Variants in SLC22A8 observed in about 807,000 individuals in gnomAD.
SLC22A8 encodes the protein organic anion transporter 3.
Under a neutral mutation model 48.4 loss-of-function variants are expected in SLC22A8, and 40 were observed. The observed-to-expected ratio is 0.83, with a 90% CI of 0.64 to 1.08. The LOEUF is 1.08. Ranked by LOEUF, SLC22A8 falls within the 50% of genes least tolerant of loss-of-function variation. The probability of loss-of-function intolerance (pLI) is 0.00; values close to 1 mark genes in which losing one functional copy is unlikely to be tolerated. For missense variants in SLC22A8, 606 were observed against 699.0 expected, an observed-to-expected ratio of 0.87 and a Z score of 1.50; for synonymous variants, 268 against 286.3, an observed-to-expected ratio of 0.94 and a Z score of 0.65.
chr11:62,996,146 T>A lies in SLC22A8; in HGVS notation c.768A>T (p.Thr256=). 6.3e-7 allele frequency: 1 copy of A among 1,599,660 alleles called. No homozygotes were observed. Among genetic ancestry groups the A allele is most frequent in the African/African-American group, 1.3e-5 (1 of 74,820 alleles). The change falls in exon 6 of 11, where the codon ACA becomes ACT. Residue 256 remains threonine, a synonymous_variant. Transcript: ENST00000336232. ...AGACCAACCAGCGTATGGACTCTGG[T>A]GTCCACCTGGGGGCCAGAGACCAGT... ...FFVFFLSSWW[T]PESIRWLVLS... is the part of the protein sequence containing the mutation.
intron 5 of SLC22A8, among the ~76,000 whole-genome samples, chr11:62,998,543 T>C (rs1052911841): frequency 2.0e-5 from 3 of 152,214 alleles, no homozygotes; most frequent in Admixed American, 6.5e-5. Flanking sequence ...GGGTCTGTCC[T>C]TCTGGGCTAT....
intron 5 of SLC22A8, among the ~76,000 whole-genome samples, chr11:62,997,158 G>C (rs532262763): frequency 6.6e-5 from 10 of 152,196 alleles, no homozygotes; most frequent in African/African-American, 2.4e-4. Flanking sequence ...GCCTTCCTGT[G>C]TACCAGGCCC....
chr11:62,995,729 T>G lies in SLC22A8; in HGVS notation c.976A>C (p.Met326Leu). 1 of 1,614,000 alleles carries G rather than the reference T, an allele frequency of 6.2e-7. No individual in the cohort carries two copies. Among genetic ancestry groups the G allele is most frequent in the African/African-American group, 1.3e-5 (1 of 75,028 alleles). The change falls in exon 7 of 11, where the codon ATG becomes CTG. Residue 326 changes from methionine to leucine, a missense_variant. Met to Leu is a conservative substitution (Grantham distance 15). Coordinates refer to ENST00000336232, the MANE Select transcript of SLC22A8 (RefSeq NM_004254.4). ...CAGGCCAGGGAAAGACAGAAGGTCATGCGGCGCAGCATGGGTATCCGGAAC... is the reference window on the plus strand; with the variant it reads ...CAGGCCAGGGAAAGACAGAAGGTCAGGCGGCGCAGCATGGGTATCCGGAAC... ...DLFRIPMLRRMTFCLSLAWFA... is the reference protein window; with the variant it reads ...DLFRIPMLRRLTFCLSLAWFA...
Position 62,999,678 on chromosome 11 carries a change from T to C in SLC22A8, c.592+10A>G. 6.5e-7 allele frequency: 1 copy of C among 1,542,420 alleles called. No individual in the cohort carries two copies. Among genetic ancestry groups the C allele is most frequent in the African/African-American group, 1.4e-5 (1 of 72,464 alleles). Reference sequence around the variant, plus strand: ...CCCAAAGCCCAGCTCCATGCCCCACTGCAGCTCACTCAAGATGACGGTGCT... The same window carrying C: ...CCCAAAGCCCAGCTCCATGCCCCACCGCAGCTCACTCAAGATGACGGTGCT... On this transcript the variant is annotated intron_variant, in intron 4 of 10. Transcript: ENST00000336232.
chr11:62,995,408 A>C, intron 7 of SLC22A8: 1 of 455,190 alleles, frequency 2.2e-6, no homozygotes, highest in Non-Finnish European at 4.0e-6. Flanking sequence ...GAGGGAGAGC[A>C]TGGGGACACT....
At chr11:63,001,820 A>G (rs1282022154) in intron 2 of SLC22A8, among the ~76,000 whole-genome samples, 1 of 152,224 alleles carries the variant, frequency 6.6e-6, no homozygotes, top group Admixed American at 6.5e-5. Flanking sequence ...CTGCCTGGAT[A>G]GAGTCACAGG....
rs1238861647 is a variant in SLC22A8, at chr11:62,993,134, G to A, written c.*103C>T. The A allele has an allele frequency of 1.3e-6, 1 of 799,826 alleles. No homozygotes were observed. The highest frequency in any genetic ancestry group is 1.7e-5 in the African/African-American group (1 of 57,624). 49.5% of individuals were successfully genotyped at this position (799,826 alleles called of 1,614,324 possible). On this transcript the variant is annotated 3_prime_UTR_variant, in exon 11 of 11. Transcript: ENST00000336232. ...GACACCTTCACCAAGCTCTCAGAAG[G>A]CTTCATCCTAGGAGGATGGACCTAT...
intron 2 of SLC22A8, among the ~76,000 whole-genome samples, chr11:63,008,518 C>T (rs559181789): frequency 1.3e-5 from 2 of 152,242 alleles, no homozygotes; most frequent in South Asian, 4.1e-4. Context: ...TGTTCTGGGG[C>T]CAATTACTTA....
In SLC22A8 at chr11:63,010,328, G is replaced by A. The variant is rs140764749; in HGVS notation, c.333+4298C>T. 8.2e-3 allele frequency among the ~76,000 whole-genome samples: 1,256 copies of A among 152,254 alleles called. 9 individuals carry two copies. The highest frequency in any genetic ancestry group is 0.037 in the Middle Eastern group (11 of 294). ...AGATGGCCCCTTGCTTCTACTAACA[G>A]GTGTCACCTGGACTGATCTCGCTCT... On this transcript the variant is annotated intron_variant, in intron 2 of 10. Coordinates refer to ENST00000336232, the MANE Select transcript of SLC22A8 (RefSeq NM_004254.4).
At chr11:63,015,612 C>T (rs1471296777) in intron 1 of SLC22A8, 117 bp downstream of exon 1, 1 of 152,312 alleles carries the variant, frequency 6.6e-6, no homozygotes, top group African/African-American at 2.4e-5. Context: ...CTGTAAGAGC[C>T]CGAAGCAGGT....
At chr11:62,993,982 G>A in intron 8 of SLC22A8, 104 bp from the exon 9 acceptor site, 1 of 737,874 alleles carries the variant, frequency 1.4e-6, no homozygotes, top group Non-Finnish European at 2.5e-6. Context: ...CTTCCAAGAA[G>A]CTCAGATCCA....
intron 3 of SLC22A8, 54 bp from the exon 4 acceptor site, chr11:62,999,896 G>GTGAGACTCCGTCTTAA: frequency 7.2e-7 from 1 of 1,398,588 alleles, no homozygotes; most frequent in Non-Finnish European, 9.4e-7. Context: ...CCTGCCAAGA[G>GTGAGACTCCGTCTTAA]GAGTGACTCT....
At chr11:63,000,604 G>T in intron 3 of SLC22A8, 116 bp downstream of exon 3, 1 of 689,220 alleles carries the variant, frequency 1.5e-6, no homozygotes. Flanking sequence ...CACACAGCAA[G>T]AGCCATCCCA....
At chr11:63,002,897 C>A (rs1590695355) in intron 2 of SLC22A8, among the ~76,000 whole-genome samples, 1 of 152,122 alleles carries the variant, frequency 6.6e-6, no homozygotes, top group East Asian at 1.9e-4. Flanking sequence ...TAATATCATG[C>A]TATTTTACAG....
intron 2 of SLC22A8, among the ~76,000 whole-genome samples, chr11:63,012,449 G>A (rs998129558): frequency 1.3e-5 from 2 of 151,948 alleles, no homozygotes; most frequent in African/African-American, 4.8e-5. Context: ...GTGTCTTTGC[G>A]TTTGACCCTT....
intron 5 of SLC22A8, among the ~76,000 whole-genome samples, chr11:62,997,532 A>G (rs887008395): frequency 2.0e-5 from 3 of 152,070 alleles, no homozygotes; most frequent in Non-Finnish European, 4.4e-5. Flanking sequence ...ACCTAGAAAA[A>G]TCTTGATGCT....
intron 2 of SLC22A8, among the ~76,000 whole-genome samples, chr11:63,009,213 G>A (rs1431000683): frequency 3.3e-5 from 5 of 152,032 alleles, no homozygotes; most frequent in African/African-American, 1.2e-4. Context: ...TGGGCAACTG[G>A]GGACTGGGGA....
At chr11:63,012,014 G>T (rs1424596263) in intron 2 of SLC22A8, among the ~76,000 whole-genome samples, 2 of 150,746 alleles carry the variant, frequency 1.3e-5, no homozygotes, top group South Asian at 2.1e-4. Context: ...TTGAGATGGG[G>T]TTGTCTTGCT....
In SLC22A8 at chr11:62,996,091, T is replaced by C; in HGVS notation, c.823A>G (p.Ile275Val). Residue 275 changes from isoleucine to valine, a missense_variant, in exon 6 of 11, where the codon ATA (isoleucine) becomes GTA (valine). Physicochemically the swap from Ile to Val is conservative, Grantham distance 29. Coordinates refer to ENST00000336232, the MANE Select transcript of SLC22A8 (RefSeq NM_004254.4). ...LSGKSSKALK[I>V]LRRVAVFNGK... ...TTGAAGACAGCCACCCGCCGGAGTA[T>C]CTTCAGGGCCTTCGAGGACTTTCCA... 6.2e-7 allele frequency: 1 copy of C among 1,613,990 alleles called. No individual in the cohort carries two copies. Among genetic ancestry groups the C allele is most frequent in the Non-Finnish European group, 8.5e-7 (1 of 1,179,958 alleles).
Sources: gnomAD v4.1 joint callset for allele counts (sites outside exome capture counted in the v4.1 genomes callset) on GRCh38, gnomAD v4.1.1 for gene constraint, MANE v1.5 for transcripts, NCBI Gene and HGNC (gene_info 2026-07-23, HGNC 2026-07-21) for gene names.